EDA: variants seen among roughly 807,000 people sequenced by gnomAD.
EDA encodes ectodysplasin A.
Under a neutral mutation model 23.6 loss-of-function variants are expected in EDA, and 2 were observed. The observed-to-expected ratio is 0.08, with a 90% CI of 0.03 to 0.27. The LOEUF (loss-of-function observed/expected upper bound fraction) is 0.27, where lower values mean the gene tolerates loss of function less well. Among genes scored for constraint, EDA ranks in the 10% least tolerant of loss-of-function variants. EDA has a pLI of 1.00. For synonymous variants in EDA, 131 were observed against 132.0 expected (o/e 0.99, Z 0.05); for missense variants, 229 against 324.2 (o/e 0.71, Z 2.26).
At chrX:69,978,277 A>G (rs2019344820) in intron 2 of EDA, among the ~76,000 whole-genome samples, 1 of 89,609 alleles carries the variant, frequency 1.1e-5, no homozygotes, top group Non-Finnish European at 2.2e-5. Context: ...TGAGTTCAGG[A>G]GTTCGAGACC....
intron 1 of EDA, chrX:69,617,890 T>G (rs749755002): frequency 4.4e-6 from 1 of 228,094 alleles, no homozygotes; most frequent in Admixed American, 6.2e-5. Flanking sequence ...GACATCATAT[T>G]CATGATAATA....
At chrX:69,944,836 A>G (rs984497497) in intron 1 of EDA, among the ~76,000 whole-genome samples, 2 of 112,272 alleles carry the variant, frequency 1.8e-5, no homozygotes, top group African/African-American at 3.2e-5. Flanking sequence ...AGGGCTTGCC[A>G]GAACTCAGGT....
In EDA at chrX:69,764,234, C is replaced by CTTTTTTTTTTTTTTT. The variant is rs1189179243; in HGVS notation, c.396+147542_396+147556dup. ...CTACCACTCCCATTCATTTTTTATT[C>CTTTTTTTTTTTTTTT]TTTTTTTTTTTTTTTTTTTTTTTTT... On this transcript the variant is annotated intron_variant, in intron 1 of 7. Coordinates refer to ENST00000374552, the MANE Select transcript of EDA (RefSeq NM_001399.5). Among the ~76,000 whole-genome samples the CTTTTTTTTTTTTTTT allele has an allele frequency of 1.3e-3, 59 of 44,567 alleles. 6 individuals are homozygous for CTTTTTTTTTTTTTTT. The highest frequency in any genetic ancestry group is 2.5e-3 in the South Asian group (1 of 403). 38.7% of individuals were successfully genotyped at this position (44,567 alleles called of 115,157 possible). A position where few individuals can be genotyped will look rare whatever the true frequency, so the allele number is the denominator to read the frequency against.
chrX:69,954,137 A>G lies in EDA; in HGVS notation c.397-2890A>G, dbSNP rs181855554. 1.7e-3 allele frequency among the ~76,000 whole-genome samples: 191 copies of G among 111,715 alleles called. 2 individuals are homozygous for G. Among genetic ancestry groups the G allele is most frequent in the African/African-American group, 5.1e-3 (156 of 30,810 alleles). On this transcript the variant is annotated intron_variant, in intron 1 of 7. Coordinates refer to ENST00000374552, the MANE Select transcript of EDA (RefSeq NM_001399.5). ...GCAGGATCTAAGTCTAAATTCCTCA[A>G]CATGATCTGGCTCTTACTTAATACT...
At chrX:69,820,624 C>G (rs4582711) in intron 1 of EDA, among the ~76,000 whole-genome samples, 47,747 of 110,856 alleles carry the variant, frequency 0.43, 8,034 homozygotes, top group East Asian at 0.73. Context: ...ATGCGGCCAA[C>G]AAACATAAAA....
chrX:69,853,638 G>A (rs1328449672), intron 1 of EDA, among the ~76,000 whole-genome samples: 1 of 111,873 alleles, frequency 8.9e-6, no homozygotes, highest in Non-Finnish European at 1.9e-5. Flanking sequence ...ACATTAGCCA[G>A]GCAAAAAAGA....
At position 69,992,750 on chromosome X, in the gene EDA, C is replaced by T. The variant is rs759180555; in HGVS notation, c.503-30468C>T. Among the ~76,000 whole-genome samples, 64 of 111,679 alleles carry T rather than the reference C, an allele frequency of 5.7e-4. 1 individual carries two copies. The highest frequency in any genetic ancestry group is 1.1e-3 in the Non-Finnish European group (59 of 53,136). On this transcript the variant is annotated intron_variant, in intron 2 of 7. Transcript: ENST00000374552. The stretch of plus-strand genomic sequence containing the variant: ...CTCTCCAAAATCATACCAGTCTATA[C>T]TCTTGCCAAAAATGTGTGAGATGTT...
At chrX:69,968,093 G>T (rs764652443) in intron 2 of EDA, among the ~76,000 whole-genome samples, 20 of 111,176 alleles carry the variant, frequency 1.8e-4, no homozygotes, top group Admixed American at 6.7e-4. Flanking sequence ...AAAATATGGG[G>T]TTTTTTTTAA....
chrX:69,736,835 G>A (rs1054082680), intron 1 of EDA, among the ~76,000 whole-genome samples: 4 of 104,090 alleles, frequency 3.8e-5, no homozygotes, highest in African/African-American at 1.4e-4. Context: ...ACAGTGGCGC[G>A]ATCTTGGCTC....
chrX:69,881,651 A>G (rs1029222763), intron 1 of EDA, among the ~76,000 whole-genome samples: 2 of 111,775 alleles, frequency 1.8e-5, no homozygotes, highest in Non-Finnish European at 3.8e-5. Context: ...TCAATGCTGC[A>G]TTAGTCCATT....
At chrX:69,675,345 G>C (rs1190348670) in intron 1 of EDA, among the ~76,000 whole-genome samples, 1 of 111,632 alleles carries the variant, frequency 9.0e-6, no homozygotes, top group Non-Finnish European at 1.9e-5. Flanking sequence ...TTAAGCTTCA[G>C]ATTTGCATTT....
At chrX:69,793,521 C>T (rs2015460064) in intron 1 of EDA, among the ~76,000 whole-genome samples, 1 of 101,438 alleles carries the variant, frequency 9.9e-6, no homozygotes, top group Non-Finnish European at 2.0e-5. Flanking sequence ...TGCCTTTAAG[C>T]TTGTCCCCTA....
chrX:69,989,837 A>G (rs983615369), intron 2 of EDA, among the ~76,000 whole-genome samples: 1 of 109,600 alleles, frequency 9.1e-6, no homozygotes, highest in Non-Finnish European at 1.9e-5. Flanking sequence ...GGAAAAAAAA[A>G]GATCAGAGCC....
At chrX:69,739,355 T>G (rs1358382482) in intron 1 of EDA, among the ~76,000 whole-genome samples, 3 of 111,411 alleles carry the variant, frequency 2.7e-5, no homozygotes, top group African/African-American at 9.7e-5. Context: ...ATTATTTTAC[T>G]TTCAACCAAT....
At chrX:69,983,739 G>C (rs1342204426) in intron 2 of EDA, among the ~76,000 whole-genome samples, 78 of 77,334 alleles carry the variant, frequency 1.0e-3, no homozygotes, top group African/African-American at 3.8e-3. Flanking sequence ...ATGTGTCTTG[G>C]AGTTGCTCTT....
At chrX:70,014,061 C>T (rs917128526) in intron 2 of EDA, among the ~76,000 whole-genome samples, 1 of 112,233 alleles carries the variant, frequency 8.9e-6, no homozygotes, top group Non-Finnish European at 1.9e-5. Flanking sequence ...CTGCCAAGGT[C>T]CTGGCCCTTT....
At chrX:70,032,761 C>T (rs918973570) in intron 6 of EDA, among the ~76,000 whole-genome samples, 1 of 111,137 alleles carries the variant, frequency 9.0e-6, no homozygotes, top group African/African-American at 3.3e-5. Flanking sequence ...TCATAAGGAT[C>T]CCTCTCACCT....
intron 2 of EDA, among the ~76,000 whole-genome samples, chrX:69,987,820 C>T (rs1351438803): frequency 1.8e-5 from 2 of 111,422 alleles, no homozygotes; most frequent in Non-Finnish European, 3.8e-5. Context: ...ACTACTAGAG[C>T]ATTGTTGGCA....
chrX:69,987,852 G>A lies in EDA; in HGVS notation c.502+30720G>A, dbSNP rs1034946853. ...GGCAGGACTGAGCAGACAGCTCATC[G>A]TCTCTCCCCCATCTGTCAGAAGCAG... is the stretch of plus-strand genomic sequence containing the variant. On this transcript the variant is annotated intron_variant, in intron 2 of 7. Coordinates refer to ENST00000374552, the MANE Select transcript of EDA (RefSeq NM_001399.5). 5.2e-4 allele frequency among the ~76,000 whole-genome samples: 58 copies of A among 111,198 alleles called. 1 individual carries two copies. The Admixed American group carries it at 5.3e-3, about 10-fold the overall frequency.
Sources: gnomAD v4.1 joint callset for allele counts (sites outside exome capture counted in the v4.1 genomes callset) on GRCh38, gnomAD v4.1.1 for gene constraint, MANE v1.5 for transcripts, NCBI Gene and HGNC (gene_info 2026-07-23, HGNC 2026-07-21) for gene names.